The following SCRIB variants were observed in gnomAD, a reference collection of about 807,000 sequenced individuals.
The protein encoded by SCRIB is scribble planar cell polarity protein, also known as protein scribble homolog.
SCRIB carries 72 observed loss-of-function variants against 170.0 expected under a neutral mutation model. The observed-to-expected ratio is 0.42, with a 90% CI of 0.35 to 0.52. SCRIB has a LOEUF of 0.52. Ranked by LOEUF, SCRIB falls within the 20% of genes least tolerant of loss-of-function variation. The pLI, the probability that SCRIB is intolerant of heterozygous loss-of-function variation, is 0.02. For synonymous variants in SCRIB, 1,298 were observed against 1,044.3 expected, an observed-to-expected ratio of 1.24 and a Z score of -4.68; for missense variants, 2,475 against 2,338.5, an observed-to-expected ratio of 1.06 and a Z score of -1.20.
Position 143,803,641 on chromosome 8 carries a change from GC to G in SCRIB, c.3414+5del. 6.6e-7 allele frequency: 1 copy of G among 1,512,820 alleles called. No individual in the cohort carries two copies. Among genetic ancestry groups the G allele is most frequent in the Non-Finnish European group, 8.9e-7 (1 of 1,120,868 alleles). 93.7% of individuals were successfully genotyped at this position (1,512,820 alleles called of 1,614,324 possible). ...CCCAGGGCGGGCTGGGGTGGGGGGG[GC>G]TCACCTTGGAGATGAAGATGCCCTC... On this transcript the variant is annotated splice_donor_5th_base_variant and intron_variant, in intron 23 of 36. Transcript: ENST00000356994.
chr8:143,794,904 G>T, intron 27 of SCRIB, 134 bp downstream of exon 27: 2 of 768,336 alleles, frequency 2.6e-6, no homozygotes, highest in South Asian at 1.7e-5. Flanking sequence ...TAGCCTGCAG[G>T]TCAGACGTGG....
At chr8:143,809,783 G>GC (rs1257568713) in intron 13 of SCRIB, 65 bp from the exon 14 acceptor site, 4 of 1,562,644 alleles carry the variant, frequency 2.6e-6, no homozygotes, top group Admixed American at 3.4e-5. Flanking sequence ...CACCTGGGAT[G>GC]CCCCCCACGT....
Position 143,813,056 on chromosome 8 carries a change from G to C in SCRIB, c.616C>G (p.Arg206Gly), listed in dbSNP as rs1369960064. The stretch of plus-strand genomic sequence containing the variant: ...GGGGGCAGTGCTGACAGCTGGTTCC[G>C]GTCAAGCCACAGCTCCCGAAGATTG... ...LPNLRELWLDRNQLSALPPEL... is the reference protein window; with the variant it reads ...LPNLRELWLDGNQLSALPPEL... Residue 206 changes from arginine to glycine, a missense_variant, in exon 7 of 37, where the codon CGG (arginine) becomes GGG (glycine). Physicochemically the swap from Arg to Gly is moderately radical, Grantham distance 125. Transcript: ENST00000356994. 1.3e-6 allele frequency: 2 copies of C among 1,589,152 alleles called. No individual in the cohort carries two copies. Among genetic ancestry groups the C allele is most frequent in the African/African-American group, 2.7e-5 (2 of 74,824 alleles).
chr8:143,812,686 G>C, intron 8 of SCRIB, 131 bp downstream of exon 8: 1 of 1,267,310 alleles, frequency 7.9e-7, no homozygotes, highest in Non-Finnish European at 1.1e-6. Flanking sequence ...CCTCCCCAGG[G>C]ACAGCTCCCA....
chr8:143,794,863 A>T (rs1814870989), intron 27 of SCRIB, among the ~76,000 whole-genome samples, 175 bp downstream of exon 27: 1 of 151,918 alleles, frequency 6.6e-6, no homozygotes, highest in Non-Finnish European at 1.5e-5. Flanking sequence ...TGGGTTGAGA[A>T]TGAGGGTGAT....
intron 1 of SCRIB, among the ~76,000 whole-genome samples, chr8:143,814,460 C>T (rs1449295740): frequency 1.3e-5 from 2 of 152,180 alleles, no homozygotes; most frequent in Admixed American, 6.5e-5. Flanking sequence ...GGGGCCCACA[C>T]TGGCCTCTGC....
intron 24 of SCRIB, among the ~76,000 whole-genome samples, chr8:143,799,107 T>A (rs536273479): frequency 6.6e-6 from 1 of 152,312 alleles, no homozygotes; most frequent in East Asian, 1.9e-4. Flanking sequence ...CCCAGCCTGT[T>A]ATTCTAAAAA....
In SCRIB at chr8:143,793,966, G is replaced by A; in HGVS notation, c.3847-4C>T. 1.9e-6 allele frequency: 3 copies of A among 1,612,624 alleles called. No individual in the cohort carries two copies. The highest frequency in any genetic ancestry group is 1.7e-5 in the Admixed American group (1 of 59,950). On this transcript the variant is annotated splice_polypyrimidine_tract_variant and splice_region_variant and intron_variant, in intron 27 of 36. Transcript: ENST00000356994. ...CTCCAGCTGCTCCAGACGGTACCTG[G>A]AGGAGTAGGCAGTGGGTGGGGTGAG...
rs779229955 is a variant in SCRIB, at chr8:143,810,826, G to A, written c.1274-10C>T. 2 of 1,601,498 alleles carry A rather than the reference G, an allele frequency of 1.2e-6. No homozygotes were observed. Among genetic ancestry groups the A allele is most frequent in the Non-Finnish European group, 8.5e-7 (1 of 1,176,494 alleles). ...TGCTGCCCAGCATCCTCTGCAGCAG[G>A]TGAGCGTCAGGACCCAGGCTAGTCC... On this transcript the variant is annotated splice_polypyrimidine_tract_variant and intron_variant, in intron 11 of 36. Transcript: ENST00000356994.
At chr8:143,812,990 G>C (rs753507238) in intron 7 of SCRIB, 29 bp from the exon 8 acceptor site, 30 of 1,611,458 alleles carry the variant, frequency 1.9e-5, no homozygotes, top group South Asian at 5.5e-5. Flanking sequence ...TCAGAGCGCG[G>C]ATGGGCACGA....
intron 1 of SCRIB, among the ~76,000 whole-genome samples, chr8:143,814,451 G>A (rs547547008): frequency 6.6e-6 from 1 of 152,166 alleles, no homozygotes; most frequent in South Asian, 2.1e-4. Context: ...CACCCTCCAG[G>A]GGCCCACACT....
At chr8:143,791,626 G>T in intron 35 of SCRIB, 40 bp downstream of exon 35, 1 of 1,561,502 alleles carries the variant, frequency 6.4e-7, no homozygotes, top group Non-Finnish European at 8.8e-7. Flanking sequence ...GGCAGGCACG[G>T]ACAGGGTGGC....
intron 24 of SCRIB, among the ~76,000 whole-genome samples, chr8:143,798,071 A>G (rs1417803995): frequency 6.6e-6 from 1 of 152,140 alleles, no homozygotes; most frequent in Non-Finnish European, 1.5e-5. Context: ...TATAACTTCA[A>G]CTTTGGAACC....
chr8:143,800,312 C>T (rs1815122201), intron 24 of SCRIB, among the ~76,000 whole-genome samples: 1 of 152,090 alleles, frequency 6.6e-6, no homozygotes, highest in South Asian at 2.1e-4. Flanking sequence ...ATAGAAACAG[C>T]CCCCCCTCCA....
Position 143,792,328 on chromosome 8 carries a change from T to C in SCRIB, c.4406A>G (p.Glu1469Gly). ...CTCCGGACTCTGCACGCGCAGCCGC[T>C]CCTGGTGGCGCCGTTCAGCTTTGGC... Reference protein sequence around the residue: ...RTAKAERRHQERLRVQSPEPP... With the variant: ...RTAKAERRHQGRLRVQSPEPP... Residue 1469 changes from glutamate (E) to glycine (G), a missense_variant, in exon 32 of 37, where the codon GAG (glutamate) becomes GGG (glycine). By Grantham distance (98) the Glu-to-Gly change is moderately conservative (BLOSUM62 -2). Coordinates refer to ENST00000356994, the MANE Select transcript of SCRIB (RefSeq NM_182706.5). 1.3e-6 allele frequency: 2 copies of C among 1,548,102 alleles called. No homozygotes were observed.
chr8:143,803,997 C>A, intron 22 of SCRIB, 49 bp downstream of exon 22: 1 of 1,575,990 alleles, frequency 6.3e-7, no homozygotes, highest in African/African-American at 1.3e-5. Flanking sequence ...TGCGCTGGTA[C>A]CTGGGATGGG....
Position 143,791,138 on chromosome 8 carries a change from A to C in SCRIB, c.*25T>G. On this transcript the variant is annotated 3_prime_UTR_variant, in exon 37 of 37. Transcript: ENST00000356994. Reference sequence around the variant, plus strand: ...CTGGAGCTGGCAGGGCCCCCACCCCAAGTCTGGGGGAGGTGCCTGCTCCTC... The same window carrying C: ...CTGGAGCTGGCAGGGCCCCCACCCCCAGTCTGGGGGAGGTGCCTGCTCCTC... 5 of 1,389,552 alleles carry C rather than the reference A, an allele frequency of 3.6e-6. No homozygotes were observed. The highest frequency in any genetic ancestry group is 4.7e-6 in the Non-Finnish European group (5 of 1,071,356). 86.1% of individuals were successfully genotyped at this position (1,389,552 alleles called of 1,614,324 possible).
intron 15 of SCRIB, 39 bp from the exon 16 acceptor site, chr8:143,807,653 C>G: frequency 6.6e-7 from 1 of 1,519,128 alleles, no homozygotes; most frequent in African/African-American, 1.4e-5. Flanking sequence ...AGGTTAGCCA[C>G]CGCCAAGACC....
In SCRIB at chr8:143,815,309, A is replaced by T; in HGVS notation, c.64T>A (p.Cys22Ser). Residue 22 changes from cysteine to serine, a missense_variant, in exon 1 of 37, where the codon TGT becomes AGT. This residue lies in a region of SCRIB where 487 missense variants were observed against 558.1 expected (regional missense o/e 0.87). Transcript: ENST00000356994. ...RHVESVDKRH[C>S]SLQAVPEEIY... ...TCCTCCGGCACGGCCTGCAGCGAAC[A>T]GTGCCGCTTGTCCACCGACTCCACG... 2 of 1,587,504 alleles carry T rather than the reference A, an allele frequency of 1.3e-6. No individual in the cohort carries two copies. Among genetic ancestry groups the T allele is most frequent in the Non-Finnish European group, 1.7e-6 (2 of 1,169,542 alleles).
Sources: allele counts gnomAD v4.1 joint callset (sites outside exome capture counted in the v4.1 genomes callset), GRCh38; gene constraint gnomAD v4.1.1; regional missense constraint gnomAD v4.1.1; transcripts MANE v1.5; gene names NCBI Gene and HGNC (gene_info 2026-07-23, HGNC 2026-07-21).